MRTFA: variants seen among roughly 807,000 people sequenced by gnomAD.
MRTFA encodes myocardin-related transcription factor A.
In MRTFA, 20 loss-of-function variants were observed where a neutral mutation model predicts 83.5. The ratio of observed to expected loss-of-function variants is 0.24; its 90% CI spans 0.17 to 0.35. The LOEUF is 0.35. Ranked by LOEUF, MRTFA falls within the 10% of genes least tolerant of loss-of-function variation. MRTFA has a pLI of 1.00. For missense variants in MRTFA, 1,200 were observed against 1,224.7 expected, an observed-to-expected ratio of 0.98 and a Z score of 0.30; for synonymous variants, 659 against 541.2, an observed-to-expected ratio of 1.22 and a Z score of -3.02.
intron 3 of MRTFA, among the ~76,000 whole-genome samples, chr22:40,476,703 G>A (rs1248188375): frequency 4.6e-5 from 7 of 151,974 alleles, no homozygotes; most frequent in Non-Finnish European, 8.8e-5. Flanking sequence ...TCCACCCACC[G>A]CGGCCTCCCA....
chr22:40,457,432 GAAAGAGAAAGAAAGAAAGAA>G (rs1216158032), intron 4 of MRTFA, among the ~76,000 whole-genome samples: 8 of 90,848 alleles, frequency 8.8e-5, no homozygotes, highest in African/African-American at 3.5e-4. Context: ...ATGAAAGAAA[GAAAGAGAAAGAAAGAAAGAA>G]AGAAAGAAAG....
chr22:40,523,873 T>A (rs909274561), intron 3 of MRTFA, among the ~76,000 whole-genome samples: 2 of 152,194 alleles, frequency 1.3e-5, no homozygotes, highest in South Asian at 2.1e-4. Flanking sequence ...TGGCACTGAT[T>A]TGAGGAATAT....
intron 3 of MRTFA, among the ~76,000 whole-genome samples, chr22:40,544,972 C>T (rs894316719): frequency 1.3e-5 from 2 of 149,756 alleles, no homozygotes; most frequent in African/African-American, 4.9e-5. Flanking sequence ...TATATATATA[C>T]ACATAAAATA....
chr22:40,452,386 T>C (rs949617461), intron 4 of MRTFA, among the ~76,000 whole-genome samples: 1 of 152,198 alleles, frequency 6.6e-6, no homozygotes, highest in Non-Finnish European at 1.5e-5. Context: ...GAGTAGTACC[T>C]ACAAGTGACG....
intron 5 of MRTFA, among the ~76,000 whole-genome samples, chr22:40,432,760 G>C (rs946430235): frequency 6.6e-6 from 1 of 152,072 alleles, no homozygotes; most frequent in Admixed American, 6.5e-5. Context: ...CTCTGTGCCA[G>C]CCCAGGGGAG....
At chr22:40,465,164 G>A (rs1395100329) in intron 3 of MRTFA, among the ~76,000 whole-genome samples, 1 of 152,140 alleles carries the variant, frequency 6.6e-6, no homozygotes, top group Non-Finnish European at 1.5e-5. Flanking sequence ...CCTTTTATAT[G>A]TTAGGGAAAA....
At chr22:40,472,687 A>T (rs973889679) in intron 3 of MRTFA, among the ~76,000 whole-genome samples, 32 of 152,206 alleles carry the variant, frequency 2.1e-4, no homozygotes, top group African/African-American at 7.5e-4. Context: ...AAACTCAGAC[A>T]TCTAGAGAAC....
chr22:40,458,279 G>A (rs1414447946), intron 4 of MRTFA, among the ~76,000 whole-genome samples: 2 of 152,188 alleles, frequency 1.3e-5, no homozygotes, highest in East Asian at 3.8e-4. Flanking sequence ...TGAAACTTAT[G>A]TTTACATGAT....
At chr22:40,603,204 T>C (rs2056280054) in intron 1 of MRTFA, among the ~76,000 whole-genome samples, 1 of 152,224 alleles carries the variant, frequency 6.6e-6, no homozygotes, top group South Asian at 2.1e-4. Flanking sequence ...GCTCCGAGGC[T>C]TCTGACACTT....
rs556051473 is a variant in MRTFA, at chr22:40,509,982, T to TAAAAAAAAAAAAAA, written c.241+42110_241+42123dup. On this transcript the variant is annotated intron_variant, in intron 3 of 14. Coordinates refer to ENST00000355630, the MANE Select transcript of MRTFA (RefSeq NM_020831.6). ...ATCAAGAAACAGCAGCCAAGTACTT[T>TAAAAAAAAAAAAAA]AAAAAAAAAAAAAAAGTGAAGTTAA... 2.8e-4 allele frequency among the ~76,000 whole-genome samples: 30 copies of TAAAAAAAAAAAAAA among 108,096 alleles called. 2 individuals carry two copies. The highest frequency in any genetic ancestry group is 7.6e-4 in the African/African-American group (21 of 27,556). 70.9% of individuals were successfully genotyped at this position (108,096 alleles called of 152,430 possible). A position where few individuals can be genotyped will look rare whatever the true frequency, so the allele number is the denominator to read the frequency against.
chr22:40,459,128 G>A (rs1447812319), intron 4 of MRTFA, among the ~76,000 whole-genome samples: 1 of 150,280 alleles, frequency 6.7e-6, no homozygotes, highest in African/African-American at 2.5e-5. Context: ...ATTAGTGGGA[G>A]TCAGCAGGAT....
At chr22:40,541,988 C>A (rs73169018) in intron 3 of MRTFA, among the ~76,000 whole-genome samples, 3 of 151,148 alleles carry the variant, frequency 2.0e-5, no homozygotes, top group Admixed American at 6.6e-5. Flanking sequence ...ATATTTTAAG[C>A]TCACTTTTTA....
Position 40,518,795 on chromosome 22 carries a change from CAAAAAAAAAAAAA to C in MRTFA, c.241+33298_241+33310del, listed in dbSNP as rs879690699. ...GGGCGACAGAGTGAGACTCTGTCTC[CAAAAAAAAAAAAA>C]AAAAAAAAAAAAACCAGTGTCTGTC... On this transcript the variant is annotated intron_variant, in intron 3 of 14. Coordinates refer to ENST00000355630, the MANE Select transcript of MRTFA (RefSeq NM_020831.6). Among the ~76,000 whole-genome samples the C allele has an allele frequency of 1.0e-3, 69 of 68,146 alleles. 1 individual carries two copies. The Admixed American group carries it at 0.011, about 11-fold the overall frequency. The allele number at this position is 68,146 out of a possible 152,430, so 44.7% of individuals were successfully genotyped here.
At chr22:40,417,842 C>T (rs1355078356) in intron 12 of MRTFA, 4 of 275,998 alleles carry the variant, frequency 1.4e-5, no homozygotes, top group Non-Finnish European at 2.8e-5. Context: ...GTCTTCTCTA[C>T]CCCCAAGTTC....
chr22:40,470,044 T>G (rs573462335), intron 3 of MRTFA, among the ~76,000 whole-genome samples: 26 of 151,318 alleles, frequency 1.7e-4, no homozygotes, highest in Non-Finnish European at 3.8e-4. Context: ...GCCAACATGG[T>G]GAAACCCCGT....
At chr22:40,590,176 T>C (rs963031813) in intron 2 of MRTFA, among the ~76,000 whole-genome samples, 2 of 152,202 alleles carry the variant, frequency 1.3e-5, no homozygotes, top group East Asian at 1.9e-4. Context: ...AGAAGATGTA[T>C]TGCTACTACG....
intron 3 of MRTFA, among the ~76,000 whole-genome samples, chr22:40,539,265 G>A (rs1399967239): frequency 6.6e-6 from 1 of 151,594 alleles, no homozygotes; most frequent in Non-Finnish European, 1.5e-5. Flanking sequence ...CTCCCAACGT[G>A]TTGGGAATCC....
intron 2 of MRTFA, among the ~76,000 whole-genome samples, chr22:40,573,055 G>A (rs1052237441): frequency 7.2e-5 from 11 of 152,126 alleles, no homozygotes; most frequent in African/African-American, 2.7e-4. Flanking sequence ...TATATGAAAC[G>A]TCCAGAATGG....
At chr22:40,554,682 G>C (rs2055493946) in intron 2 of MRTFA, among the ~76,000 whole-genome samples, 1 of 152,142 alleles carries the variant, frequency 6.6e-6, no homozygotes, top group South Asian at 2.1e-4. Flanking sequence ...TAATAGACAC[G>C]GACAAACTAT....
Sources: gnomAD v4.1 joint callset for allele counts (sites outside exome capture counted in the v4.1 genomes callset) on GRCh38, gnomAD v4.1.1 for gene constraint, MANE v1.5 for transcripts, NCBI Gene and HGNC (gene_info 2026-07-23, HGNC 2026-07-21) for gene names.